RB1: variants seen among roughly 807,000 people sequenced by gnomAD.
RB1 encodes the protein retinoblastoma-associated protein.
In RB1, 18 loss-of-function variants were observed where a neutral mutation model predicts 135.4. The ratio of observed to expected loss-of-function variants is 0.13; its 90% CI spans 0.09 to 0.20. The LOEUF (loss-of-function observed/expected upper bound fraction) is 0.20. RB1 is among the 10% of genes least tolerant of loss of function. The probability of loss-of-function intolerance (pLI) is 1.00; values close to 1 mark genes in which losing one functional copy is unlikely to be tolerated. For missense variants in RB1, 868 were observed against 1,110.0 expected, an observed-to-expected ratio of 0.78 and a Z score of 3.10; for synonymous variants, 365 against 373.2, an observed-to-expected ratio of 0.98 and a Z score of 0.25.
intron 16 of RB1, 49 bp from the exon 17 acceptor site, chr13:48,381,198 C>G (rs1290114909): frequency 1.3e-6 from 2 of 1,539,646 alleles, no homozygotes; most frequent in Non-Finnish European, 1.7e-6. Context: ...AAATACCTAG[C>G]TCAAGGGTTA....
intron 11 of RB1, among the ~76,000 whole-genome samples, chr13:48,369,483 A>C (rs986010259): frequency 6.6e-6 from 1 of 152,208 alleles, no homozygotes; most frequent in Non-Finnish European, 1.5e-5. Flanking sequence ...TAAATCAGTT[A>C]CATTCACCTT....
intron 2 of RB1, among the ~76,000 whole-genome samples, chr13:48,312,218 T>C (rs1163271893): frequency 1.3e-5 from 2 of 152,234 alleles, no homozygotes; most frequent in African/African-American, 4.8e-5. Flanking sequence ...ACCTATTTCT[T>C]TTTTATATTT....
intron 3 of RB1, among the ~76,000 whole-genome samples, 166 bp from the exon 4 acceptor site, chr13:48,344,914 G>A (rs911860205): frequency 5.9e-5 from 9 of 152,196 alleles, no homozygotes; most frequent in African/African-American, 2.2e-4. Context: ...AGAGGTGTAA[G>A]TTGAAGGCTA....
chr13:48,374,230 C>A (rs962472902), intron 12 of RB1, among the ~76,000 whole-genome samples: 1 of 152,078 alleles, frequency 6.6e-6, no homozygotes, highest in Admixed American at 6.6e-5. Flanking sequence ...GCATCTGATA[C>A]CCTCTCTCCC....
chr13:48,422,473 C>A (rs1338388841), intron 17 of RB1, among the ~76,000 whole-genome samples: 1 of 152,124 alleles, frequency 6.6e-6, no homozygotes, highest in African/African-American at 2.4e-5. Context: ...ATGTAACAAA[C>A]CTGCACGTTC....
intron 17 of RB1, among the ~76,000 whole-genome samples, chr13:48,446,607 C>G (rs969501624): frequency 6.6e-6 from 1 of 152,102 alleles, no homozygotes; most frequent in Non-Finnish European, 1.5e-5. Flanking sequence ...TTAGACAAGG[C>G]TTTGCTTAGG....
intron 2 of RB1, chr13:48,333,300 G>T (rs1216765068): frequency 2.7e-6 from 1 of 365,090 alleles, no homozygotes; most frequent in Non-Finnish European, 4.9e-6. Context: ...CATATAATTG[G>T]ATCTGAGTTG....
At chr13:48,419,974 T>C (rs1003691397) in intron 17 of RB1, among the ~76,000 whole-genome samples, 1 of 152,226 alleles carries the variant, frequency 6.6e-6, no homozygotes, top group African/African-American at 2.4e-5. Flanking sequence ...GAGGAGCTGG[T>C]ACTATTCCTT....
In RB1 at chr13:48,368,604, G is replaced by A. The variant is rs1952727608; in HGVS notation, c.1127G>A (p.Arg376Lys). ...VNVIPPHTPV[R>K]TVMNTIQQLM... is the part of the protein sequence containing the mutation. ...GTAATTCCTCCACACACTCCAGTTA[G>A]GTATGAATTTTCCTACTTTTAATTA... The change falls in exon 11 of 27, where the codon AGG becomes AAG. Residue 376 changes from arginine to lysine, a missense_variant and splice_region_variant. Transcript: ENST00000267163. 1 of 1,612,052 alleles carries A rather than the reference G, an allele frequency of 6.2e-7. No homozygotes were observed. The highest frequency in any genetic ancestry group is 8.5e-7 in the Non-Finnish European group (1 of 1,179,210).
At chr13:48,474,170 T>C (rs983049075) in intron 24 of RB1, among the ~76,000 whole-genome samples, 1 of 152,136 alleles carries the variant, frequency 6.6e-6, no homozygotes, top group Non-Finnish European at 1.5e-5. Flanking sequence ...CCCAACCTTA[T>C]TGTTGAGGGG....
rs148956668 is a variant in RB1, at chr13:48,369,497, G to A, written c.1127+893G>A. The stretch of plus-strand genomic sequence containing the variant: ...GTAAATCAGTTACATTCACCTTGCT[G>A]TTAAACCCACTGACTGCTTCCCATT... On this transcript the variant is annotated intron_variant, in intron 11 of 26. Transcript: ENST00000267163. Among the ~76,000 whole-genome samples the A allele has an allele frequency of 3.7e-3, 562 of 152,248 alleles. 3 individuals are homozygous for A. The highest frequency in any genetic ancestry group is 7.0e-3 in the Non-Finnish European group (479 of 68,018).
intron 17 of RB1, among the ~76,000 whole-genome samples, chr13:48,424,855 C>T (rs957293225): frequency 6.6e-6 from 1 of 152,062 alleles, no homozygotes; most frequent in African/African-American, 2.4e-5. Flanking sequence ...GAGTTTGAAA[C>T]CAGCCTGGCC....
At chr13:48,382,308 C>T (rs558616865) in intron 17 of RB1, among the ~76,000 whole-genome samples, 1 of 152,236 alleles carries the variant, frequency 6.6e-6, no homozygotes, top group South Asian at 2.1e-4. Flanking sequence ...GTTTACAGTC[C>T]CACCAACAGT....
In RB1 at chr13:48,480,243, G is replaced by A. The variant is rs143536240; in HGVS notation, c.*172G>A. The A allele has an allele frequency of 1.7e-3, 1,075 of 625,286 alleles. 9 individuals are homozygous for A. The highest frequency in any genetic ancestry group is 0.011 in the Middle Eastern group (29 of 2,534). 38.7% of individuals were successfully genotyped at this position (625,286 alleles called of 1,614,324 possible). ...TGTTTGGGTGATTCCTAAGCCACTTGAAATGTTAGTCATTGTTATTTATAC... is the reference window on the plus strand; with the variant it reads ...TGTTTGGGTGATTCCTAAGCCACTTAAAATGTTAGTCATTGTTATTTATAC... On this transcript the variant is annotated 3_prime_UTR_variant, in exon 27 of 27. Coordinates refer to ENST00000267163, the MANE Select transcript of RB1 (RefSeq NM_000321.3).
intron 2 of RB1, among the ~76,000 whole-genome samples, chr13:48,336,378 A>G (rs1017398678): frequency 4.6e-5 from 7 of 152,214 alleles, no homozygotes; most frequent in Non-Finnish European, 1.0e-4. Flanking sequence ...TTATTGGTCT[A>G]TTCAGGGATT....
rs1463496236 is a variant in RB1 at position 48,319,262 on chromosome 13, C to T, written c.264+11856C>T. The stretch of plus-strand genomic sequence containing the variant: ...TCTCGCGCAAGGCACTTTTTTGTGG[C>T]GCTGCTTGTGCTGTGTGCGGGGTCA... On this transcript the variant is annotated intron_variant, in intron 2 of 26. Coordinates refer to ENST00000267163, the MANE Select transcript of RB1 (RefSeq NM_000321.3). This position sits in a 1 kb window ranked among gnomAD's most constrained non-coding sequence, Gnocchi z 5.0. The T allele has an allele frequency of 8.6e-6, 7 of 810,892 alleles. No individual in the cohort carries two copies. The African/African-American group carries it at 8.8e-5, about 10-fold the overall frequency. The allele number at this position is 810,892 out of a possible 1,614,324, so 50.2% of individuals were successfully genotyped here.
intron 17 of RB1, 43 bp downstream of exon 17, chr13:48,381,486 G>A (rs1303969227): frequency 6.3e-7 from 1 of 1,576,742 alleles, no homozygotes; most frequent in Admixed American, 1.7e-5. Context: ...ATGTGCATAT[G>A]GCTAACAAAT....
At chr13:48,386,161 A>G (rs908928332) in intron 17 of RB1, among the ~76,000 whole-genome samples, 13 of 152,112 alleles carry the variant, frequency 8.5e-5, no homozygotes, top group African/African-American at 3.1e-4. Context: ...AAATAAAAAC[A>G]AAAAAACTAG....
chr13:48,380,157 T>TC lies in RB1; in HGVS notation c.1422-6dup. ...AAGTATTTTATAATCTTTTTTTTTTTCCTTTAGCAAACTTCTGAATGACAA... is the reference window on the plus strand; with the variant it reads ...AAGTATTTTATAATCTTTTTTTTTTTCCCTTTAGCAAACTTCTGAATGACAA... On this transcript the variant is annotated splice_region_variant and splice_polypyrimidine_tract_variant and intron_variant, in intron 15 of 26. Coordinates refer to ENST00000267163, the MANE Select transcript of RB1 (RefSeq NM_000321.3). 6.4e-7 allele frequency: 1 copy of TC among 1,557,392 alleles called. No homozygotes were observed.
Sources: gnomAD v4.1 joint callset for allele counts (sites outside exome capture counted in the v4.1 genomes callset) on GRCh38, gnomAD v4.1.1 for gene constraint, Gnocchi (gnomAD v3.1) non-coding constraint, MANE v1.5 for transcripts, NCBI Gene and HGNC (gene_info 2026-07-23, HGNC 2026-07-21) for gene names.